PRH1: variants seen among roughly 807,000 people sequenced by gnomAD.
PRH1 encodes salivary acidic proline-rich phosphoprotein 1/2.
Under a neutral mutation model 7.9 loss-of-function variants are expected in PRH1, and 7 were observed. The observed-to-expected ratio is 0.89, with a 90% CI of 0.50 to 1.67. PRH1 has a LOEUF of 1.67. Among genes scored for constraint, PRH1 ranks in the 40% most tolerant of loss-of-function variants. The pLI is 0.00. For synonymous variants in PRH1, 45 were observed against 80.8 expected (o/e 0.56, Z 2.38); for missense variants, 109 against 223.6 (o/e 0.49, Z 3.27).
At chr12:11,005,866 C>G (rs1228302885) in intron 1 of PRH1, 1 of 152,056 alleles carries the variant, frequency 6.6e-6, no homozygotes, top group African/African-American at 2.4e-5. Flanking sequence ...TTAAAATATT[C>G]AGCAATTTTT....
chr12:11,087,054 C>T lies in PRH1; in HGVS notation n.124-39866G>A, dbSNP rs1318393631. Among the ~76,000 whole-genome samples the T allele has an allele frequency of 1.9e-4, 18 of 93,606 alleles. 6 individuals are homozygous for T. The highest frequency in any genetic ancestry group is 2.8e-4 in the South Asian group (1 of 3,578). 61.4% of individuals were successfully genotyped at this position (93,606 alleles called of 152,430 possible). A position where few individuals can be genotyped will look rare whatever the true frequency, so the allele number is the denominator to read the frequency against. ...AACCAAAGATTGTTCATTATCGATT[C>T]GATACTGTTTTACTTGATATTTAAG... On this transcript the variant is annotated intron_variant and non_coding_transcript_variant, in intron 1 of 4. Transcript: ENST00000541977.
At chr12:10,920,935 A>G (rs1475880468) in intron 2 of PRH1, among the ~76,000 whole-genome samples, 2 of 152,100 alleles carry the variant, frequency 1.3e-5, no homozygotes, top group Non-Finnish European at 2.9e-5. Flanking sequence ...TTAGGAGTTA[A>G]ATTAGATTAA....
intron 1 of PRH1, among the ~76,000 whole-genome samples, chr12:11,011,062 G>A (rs949701042): frequency 4.6e-5 from 7 of 151,786 alleles, no homozygotes; most frequent in African/African-American, 1.7e-4. Context: ...AGAACTCAAA[G>A]GAAAAAAATG....
intron 1 of PRH1, among the ~76,000 whole-genome samples, chr12:11,069,280 T>C (rs1384630568): frequency 6.6e-6 from 1 of 152,122 alleles, no homozygotes; most frequent in Non-Finnish European, 1.5e-5. Context: ...TAATGTGCTA[T>C]ATGCCAAGAT....
upstream of PRH1, among the ~76,000 whole-genome samples, chr12:10,886,225 C>T (rs1352054499): frequency 6.6e-6 from 1 of 152,130 alleles, no homozygotes; most frequent in Non-Finnish European, 1.5e-5. Flanking sequence ...ATGAGCAGTC[C>T]TGCCTCGGTG....
chr12:10,965,942 A>G (rs1938479924), intron 2 of PRH1, among the ~76,000 whole-genome samples: 1 of 152,210 alleles, frequency 6.6e-6, no homozygotes, highest in Non-Finnish European at 1.5e-5. Context: ...ACACCTTAAA[A>G]TCTTATTCCT....
intron 1 of PRH1, among the ~76,000 whole-genome samples, chr12:11,098,687 T>C (rs571097066): frequency 3.3e-5 from 5 of 152,384 alleles, no homozygotes; most frequent in African/African-American, 7.2e-5. Context: ...CAGATTTGTA[T>C]ACACAGAATC....
chr12:11,052,346 T>C (rs990784276), intron 1 of PRH1, among the ~76,000 whole-genome samples: 1 of 152,254 alleles, frequency 6.6e-6, no homozygotes, highest in Non-Finnish European at 1.5e-5. Flanking sequence ...CATGATTCCT[T>C]TGAATTCCTC....
chr12:11,102,569 GACCTAAA>G (rs1945287687), intron 1 of PRH1, among the ~76,000 whole-genome samples: 1 of 152,106 alleles, frequency 6.6e-6, no homozygotes, highest in South Asian at 2.1e-4. Context: ...TTAAATGTTG[GACCTAAA>G]ACCATAAAAA....
At chr12:11,044,214 G>A (rs1237383283) in intron 1 of PRH1, among the ~76,000 whole-genome samples, 1 of 152,104 alleles carries the variant, frequency 6.6e-6, no homozygotes, top group Non-Finnish European at 1.5e-5. Context: ...TTCAATAAAT[G>A]GTGCTGGGAC....
intron 2 of PRH1, chr12:10,892,021 T>G (rs1314516224): frequency 6.6e-6 from 1 of 152,196 alleles, no homozygotes; most frequent in Non-Finnish European, 1.5e-5. Context: ...CAAGGCTCTT[T>G]GCCATGACCT....
chr12:10,955,246 G>A (rs1443242911), intron 2 of PRH1, among the ~76,000 whole-genome samples: 5 of 151,918 alleles, frequency 3.3e-5, no homozygotes, highest in African/African-American at 7.3e-5. Context: ...TTGGACCACA[G>A]CACAATAAAA....
intron 1 of PRH1, among the ~76,000 whole-genome samples, chr12:11,112,972 G>C (rs989067502): frequency 6.6e-6 from 1 of 152,024 alleles, no homozygotes; most frequent in Non-Finnish European, 1.5e-5. Context: ...AAATCAACAT[G>C]CAAAATTCAC....
At chr12:11,026,509 C>T (rs955560628) in intron 1 of PRH1, among the ~76,000 whole-genome samples, 16 of 149,316 alleles carry the variant, frequency 1.1e-4, no homozygotes, top group African/African-American at 3.5e-4. Flanking sequence ...ATTATTATAG[C>T]AGGACCAAAG....
chr12:10,942,211 TA>T (rs1448822403), intron 2 of PRH1, among the ~76,000 whole-genome samples: 1 of 151,990 alleles, frequency 6.6e-6, no homozygotes, highest in Non-Finnish European at 1.5e-5. Flanking sequence ...TACCAGGAGG[TA>T]GTTCTTTCTA....
intron 1 of PRH1, among the ~76,000 whole-genome samples, chr12:11,004,780 A>G (rs1272306396): frequency 6.6e-6 from 1 of 152,130 alleles, no homozygotes; most frequent in Non-Finnish European, 1.5e-5. Flanking sequence ...ACGTCAAATG[A>G]CTTTGAGAAA....
At position 11,168,368 on chromosome 12, in the gene PRH1, A is replaced by AAAAGAAAG. The variant is rs199864169; in HGVS notation, n.39+3046_39+3053dup. Among the ~76,000 whole-genome samples, 121 of 36,128 alleles carry AAAAGAAAG rather than the reference A, an allele frequency of 3.3e-3. 12 individuals are homozygous for AAAAGAAAG. Among genetic ancestry groups the AAAAGAAAG allele is most frequent in the African/African-American group, 0.012 (112 of 9,006 alleles). The allele number at this position is 36,128 out of a possible 152,430, so 23.7% of individuals were successfully genotyped here. On this transcript the variant is annotated intron_variant and non_coding_transcript_variant, in intron 1 of 1. Coordinates refer to the PRH1 transcript ENST00000541175. ...GGGAAAGAAAGGAAAGAAAAGAAAG[A>AAAAGAAAG]AAAGAAAGAAAGAAAGAAAGAAAGA... is the stretch of plus-strand genomic sequence containing the variant.
At chr12:10,970,349 C>T (rs11054113) in intron 2 of PRH1, among the ~76,000 whole-genome samples, 36,030 of 151,708 alleles carry the variant, frequency 0.24, 4,317 homozygotes, top group Non-Finnish European at 0.25. Flanking sequence ...GATAATCATC[C>T]GTATAATTTA....
In PRH1 at chr12:11,029,550, A is replaced by G. The variant is rs567919338; in HGVS notation, c.-126+17470T>C. Reference sequence around the variant, plus strand: ...GGGGCTTAAAAGTGCTTTAGAAAGAATACTAAAATAATTTGCATGAGATCT... The same window carrying G: ...GGGGCTTAAAAGTGCTTTAGAAAGAGTACTAAAATAATTTGCATGAGATCT... On this transcript the variant is annotated intron_variant, in intron 1 of 3. Coordinates refer to the PRH1 transcript ENST00000539853. Among the ~76,000 whole-genome samples, 12 of 152,404 alleles carry G rather than the reference A, an allele frequency of 7.9e-5. No homozygotes were observed. In the East Asian group the frequency reaches 2.1e-3, roughly 27 times the overall value.
Sources: allele counts gnomAD v4.1 joint callset (sites outside exome capture counted in the v4.1 genomes callset), GRCh38; gene constraint gnomAD v4.1.1; transcripts MANE v1.5; gene names NCBI Gene and HGNC (gene_info 2026-07-23, HGNC 2026-07-21).